HSD17B3: variants seen among roughly 807,000 people sequenced by gnomAD.
HSD17B3 encodes the protein hydroxysteroid 17-beta dehydrogenase 3, also known as 17-beta-hydroxysteroid dehydrogenase type 3.
A neutral mutation model predicts 41.1 loss-of-function variants in HSD17B3; 29 were observed. The observed-to-expected ratio is 0.71, with a 90% CI of 0.53 to 0.96. The LOEUF is 0.96. Among genes scored for constraint, HSD17B3 ranks in the 40% least tolerant of loss-of-function variants. HSD17B3 has a pLI of 0.00. For missense variants in HSD17B3, 323 were observed against 374.6 expected (o/e 0.86, Z 1.14); for synonymous variants, 126 against 145.6 (o/e 0.87, Z 0.97).
chr9:96,286,848 C>T (rs1365179514), intron 2 of HSD17B3, among the ~76,000 whole-genome samples: 1 of 152,154 alleles, frequency 6.6e-6, no homozygotes, highest in Non-Finnish European at 1.5e-5. Flanking sequence ...CATGAATAAT[C>T]CACCCCTTGT....
chr9:96,294,964 T>G (rs1017949332), intron 2 of HSD17B3, among the ~76,000 whole-genome samples: 2 of 147,680 alleles, frequency 1.4e-5, no homozygotes, highest in Admixed American at 6.7e-5. Flanking sequence ...CAAAAAATCA[T>G]CAGCAGCAGA....
chr9:96,246,550 C>T lies in HSD17B3; in HGVS notation c.524+6G>A, dbSNP rs765127364. The T allele has an allele frequency of 1.2e-6, 2 of 1,614,004 alleles. No homozygotes were observed. Among genetic ancestry groups the T allele is most frequent in the Non-Finnish European group, 1.7e-6 (2 of 1,179,930 alleles). ...TTGCTCCACACTTTTTTGAAGAAGG[C>T]CTTACCTTGATTCCATATGTTTCAG... On this transcript the variant is annotated splice_donor_region_variant and intron_variant, in intron 7 of 10. Coordinates refer to ENST00000375263, the MANE Select transcript of HSD17B3 (RefSeq NM_000197.2).
chr9:96,289,039 G>A (rs1458136917), intron 2 of HSD17B3, among the ~76,000 whole-genome samples: 1 of 151,718 alleles, frequency 6.6e-6, no homozygotes, highest in Non-Finnish European at 1.5e-5. Flanking sequence ...AGCCCAGGAG[G>A]TCAAGAATGC....
chr9:96,294,354 A>T (rs1827269699), intron 2 of HSD17B3, among the ~76,000 whole-genome samples: 1 of 152,258 alleles, frequency 6.6e-6, no homozygotes, highest in East Asian at 1.9e-4. Context: ...GCAAAGACCC[A>T]GAAGCGCAGA....
intron 7 of HSD17B3, among the ~76,000 whole-genome samples, chr9:96,245,948 T>C (rs1807197): frequency 0.5 from 76,680 of 152,038 alleles, 19,569 homozygotes; most frequent in East Asian, 0.58. Flanking sequence ...TTTTGAAATT[T>C]AATATTCTTA....
chr9:96,263,052 G>GTT (rs1219182768), intron 2 of HSD17B3, among the ~76,000 whole-genome samples: 1 of 152,212 alleles, frequency 6.6e-6, no homozygotes, highest in Non-Finnish European at 1.5e-5. Context: ...CAATACTGTA[G>GTT]TAACAAACTA....
At chr9:96,244,519 T>C in intron 8 of HSD17B3, 125 bp from the exon 9 acceptor site, 1 of 872,382 alleles carries the variant, frequency 1.1e-6, no homozygotes, top group Non-Finnish European at 2.0e-6. Flanking sequence ...AGTGGGGAGC[T>C]CTGGGTACGG....
At chr9:96,253,824 C>A (rs991057340) in intron 3 of HSD17B3, among the ~76,000 whole-genome samples, 1 of 152,136 alleles carries the variant, frequency 6.6e-6, no homozygotes, top group Non-Finnish European at 1.5e-5. Context: ...GTGAGGCAAA[C>A]ACTGAAGAAT....
At chr9:96,276,169 A>C (rs1476020295) in intron 2 of HSD17B3, among the ~76,000 whole-genome samples, 1 of 151,648 alleles carries the variant, frequency 6.6e-6, no homozygotes, top group East Asian at 1.9e-4. Flanking sequence ...CAATAGCAAC[A>C]AAAAGAAGAA....
intron 2 of HSD17B3, among the ~76,000 whole-genome samples, chr9:96,279,812 C>T (rs554415085): frequency 6.6e-6 from 1 of 151,808 alleles, no homozygotes; most frequent in South Asian, 2.1e-4. Context: ...CTCTGTCACC[C>T]AGGCTGGAGT....
intron 5 of HSD17B3, chr9:96,250,431 C>T (rs1279468022): frequency 9.4e-7 from 1 of 1,066,984 alleles, no homozygotes; most frequent in Admixed American, 5.0e-5. Flanking sequence ...CCCAAGCAGT[C>T]TGGCATTATC....
Position 96,240,808 on chromosome 9 carries a change from A to C in HSD17B3, c.772T>G (p.Tyr258Asp). The C allele has an allele frequency of 1.9e-6, 3 of 1,614,230 alleles. No homozygotes were observed. The highest frequency in any genetic ancestry group is 2.5e-6 in the Non-Finnish European group (3 of 1,180,038). The change falls in exon 10 of 11, where the codon TAT (tyrosine) becomes GAT (aspartate). Residue 258 changes from tyrosine to aspartate, a missense_variant. By Grantham distance (160) the Tyr-to-Asp change is radical. Coordinates refer to ENST00000375263, the MANE Select transcript of HSD17B3 (RefSeq NM_000197.2). ...ADEFVKESLN[Y>D]VTIGGETCGC... ...CAGGTTTCACCTCCAATTGTGACAT[A>C]ATTCAATGACTCTTTGACAAACTCA...
At chr9:96,253,028 C>A in intron 3 of HSD17B3, 118 bp from the exon 4 acceptor site, 1 of 750,720 alleles carries the variant, frequency 1.3e-6, no homozygotes, top group Non-Finnish European at 2.4e-6. Context: ...CAGCCCATTG[C>A]CCCAAATAAA....
intron 2 of HSD17B3, among the ~76,000 whole-genome samples, chr9:96,277,835 G>GCACACACACACA (rs3222260): frequency 2.3e-3 from 337 of 146,022 alleles, no homozygotes; most frequent in African/African-American, 7.5e-3. Context: ...GGAAAATGTG[G>GCACACACACACA]CACACACACA....
intron 7 of HSD17B3, among the ~76,000 whole-genome samples, chr9:96,246,194 C>T (rs1449366943): frequency 6.6e-6 from 1 of 152,212 alleles, no homozygotes; most frequent in Non-Finnish European, 1.5e-5. Context: ...GGAGTATTCT[C>T]TCTGACAAAA....
Position 96,265,366 on chromosome 9 carries a change from G to A in HSD17B3, c.202-10423C>T, listed in dbSNP as rs148562731. Among the ~76,000 whole-genome samples the A allele has an allele frequency of 1.2e-3, 185 of 152,296 alleles. 2 individuals carry two copies. The highest frequency in any genetic ancestry group is 4.1e-3 in the African/African-American group (171 of 41,564). ...TCTTGCTTAGATCCTTTGTTACTAA[G>A]TCAATATAAAACTTTAACAACTGCT... On this transcript the variant is annotated intron_variant, in intron 2 of 10. Transcript: ENST00000375263.
intron 2 of HSD17B3, among the ~76,000 whole-genome samples, chr9:96,287,407 C>T (rs1564059091): frequency 6.6e-6 from 1 of 152,292 alleles, no homozygotes; most frequent in Non-Finnish European, 1.5e-5. Flanking sequence ...TGTCGCCAGC[C>T]GACCTTAATG....
chr9:96,245,006 A>G (rs1836604677), intron 8 of HSD17B3, among the ~76,000 whole-genome samples: 1 of 152,080 alleles, frequency 6.6e-6, no homozygotes, highest in Non-Finnish European at 1.5e-5. Flanking sequence ...GGCTGTTTTT[A>G]TGACTAGGGC....
intron 2 of HSD17B3, among the ~76,000 whole-genome samples, chr9:96,286,843 A>G (rs892459582): frequency 2.0e-5 from 3 of 152,248 alleles, no homozygotes; most frequent in African/African-American, 7.2e-5. Context: ...GGAGGCATGA[A>G]TAATCCACCC....
Sources: allele counts gnomAD v4.1 joint callset (sites outside exome capture counted in the v4.1 genomes callset), GRCh38; gene constraint gnomAD v4.1.1; transcripts MANE v1.5; gene names NCBI Gene and HGNC (gene_info 2026-07-23, HGNC 2026-07-21).